Variants in DPP6 observed in about 807,000 individuals in gnomAD.
DPP6 encodes dipeptidyl peptidase like 6.
Under a neutral mutation model 122.6 loss-of-function variants are expected in DPP6, and 69 were observed. The observed-to-expected ratio is 0.56, with a 90% CI of 0.46 to 0.69. The LOEUF is 0.69. DPP6 is among the 30% of genes least tolerant of loss of function. DPP6 has a pLI of 0.00. For missense variants in DPP6, 928 were observed against 1,116.9 expected, an observed-to-expected ratio of 0.83 and a Z score of 2.41; for synonymous variants, 418 against 433.1, an observed-to-expected ratio of 0.97 and a Z score of 0.43.
chr7:154,491,806 C>T (rs1450273668), intron 3 of DPP6, among the ~76,000 whole-genome samples: 1 of 152,176 alleles, frequency 6.6e-6, no homozygotes, highest in East Asian at 1.9e-4. Context: ...GGCTCCCAGG[C>T]AGATTTAGGC....
At chr7:154,501,534 T>G (rs1825247786) in intron 3 of DPP6, among the ~76,000 whole-genome samples, 2 of 152,200 alleles carry the variant, frequency 1.3e-5, no homozygotes, top group South Asian at 4.1e-4. Context: ...AGTTAGAGTT[T>G]GGGCTGTAGC....
At chr7:153,830,099 A>T in the DPP6 span, among the ~76,000 whole-genome samples, 1 of 152,250 alleles carries the variant, frequency 6.6e-6, no homozygotes, top group Non-Finnish European at 1.5e-5. Flanking sequence ...TTTGGGCTCA[A>T]CAATAATGTA....
At chr7:154,661,018 G>C (rs1466987280) in intron 6 of DPP6, among the ~76,000 whole-genome samples, 10 of 81,300 alleles carry the variant, frequency 1.2e-4, no homozygotes, top group Non-Finnish European at 1.6e-4. Context: ...GCATATTGGC[G>C]CTAGTATTCA....
At chr7:153,923,324 G>A (rs1328412625) in intron 1 of DPP6, among the ~76,000 whole-genome samples, 1 of 152,178 alleles carries the variant, frequency 6.6e-6, no homozygotes, top group Non-Finnish European at 1.5e-5. Context: ...GTTTATTATG[G>A]TATGTGTATG....
intron 1 of DPP6, among the ~76,000 whole-genome samples, chr7:153,995,426 A>T (rs1335159151): frequency 1.3e-5 from 2 of 152,042 alleles, no homozygotes; most frequent in Admixed American, 6.5e-5. Flanking sequence ...CTCTACTAAA[A>T]ATACAAAAAA....
chr7:154,669,598 G>A (rs1838424650), intron 7 of DPP6, among the ~76,000 whole-genome samples, 157 bp downstream of exon 7: 2 of 152,190 alleles, frequency 1.3e-5, no homozygotes, highest in South Asian at 2.1e-4. Context: ...ACACCAGGGT[G>A]TCTGAATATG....
Position 154,320,293 on chromosome 7 carries a change from C to T in DPP6, c.244-125921C>T, listed in dbSNP as rs150230156. Among the ~76,000 whole-genome samples, 423 of 152,166 alleles carry T rather than the reference C, an allele frequency of 2.8e-3. 4 individuals carry two copies. Among genetic ancestry groups the T allele is most frequent in the Non-Finnish European group, 2.9e-3 (198 of 68,018 alleles). On this transcript the variant is annotated intron_variant, in intron 1 of 25. Transcript: ENST00000377770. ...CCGGCCCTGTGTCCAGTGCGGTCTC[C>T]ATAAAGGACTCTGGTGTCCAGAAGT...
chr7:154,709,183 A>G (rs1841010244), intron 7 of DPP6, among the ~76,000 whole-genome samples: 1 of 152,236 alleles, frequency 6.6e-6, no homozygotes, highest in South Asian at 2.1e-4. Context: ...GAAGGAAATG[A>G]AATACAACAA....
At chr7:154,102,168 A>AT (rs1805779196) in intron 1 of DPP6, among the ~76,000 whole-genome samples, 1 of 151,804 alleles carries the variant, frequency 6.6e-6, no homozygotes, top group Non-Finnish European at 1.5e-5. Context: ...CTGTCTCCAT[A>AT]AAGCCCCTCC....
At chr7:154,567,636 A>T (rs1409931100) in intron 5 of DPP6, among the ~76,000 whole-genome samples, 2 of 152,238 alleles carry the variant, frequency 1.3e-5, no homozygotes, top group Non-Finnish European at 1.5e-5. Flanking sequence ...GTATGTTTTA[A>T]GAACTTTCCT....
intron 1 of DPP6, among the ~76,000 whole-genome samples, chr7:153,983,719 C>T (rs992990086): frequency 7.9e-5 from 12 of 151,866 alleles, no homozygotes; most frequent in Non-Finnish European, 1.3e-4. Context: ...TTGTGAAGAC[C>T]GTGGGAAAAG....
At chr7:154,392,145 C>T (rs1313696601) in intron 1 of DPP6, among the ~76,000 whole-genome samples, 1 of 152,114 alleles carries the variant, frequency 6.6e-6, no homozygotes, top group Admixed American at 6.5e-5. Context: ...GTGTGGCACA[C>T]ACCTGTAATT....
chr7:154,142,518 T>C (rs929589597), intron 1 of DPP6, among the ~76,000 whole-genome samples: 4 of 152,144 alleles, frequency 2.6e-5, no homozygotes, highest in African/African-American at 9.7e-5. Flanking sequence ...CTACAAAATA[T>C]CAAACCATTT....
chr7:154,463,845 C>G (rs1245824743), intron 2 of DPP6, among the ~76,000 whole-genome samples: 2 of 152,154 alleles, frequency 1.3e-5, no homozygotes, highest in African/African-American at 2.4e-5. Flanking sequence ...ACAATTTCCT[C>G]TTTTCTCTTC....
Position 154,342,794 on chromosome 7 carries a change from C to T in DPP6, c.244-103420C>T, listed in dbSNP as rs76438881. Among the ~76,000 whole-genome samples, 1,038 of 152,322 alleles carry T rather than the reference C, an allele frequency of 6.8e-3. 9 individuals are homozygous for T. Among genetic ancestry groups the T allele is most frequent in the African/African-American group, 0.023 (960 of 41,564 alleles). ...AGATTCCAAATGACAGCAGAATTTCCGTCCACTTCCTAAAAGTTAAAGGTA... is the reference window on the plus strand; with the variant it reads ...AGATTCCAAATGACAGCAGAATTTCTGTCCACTTCCTAAAAGTTAAAGGTA... On this transcript the variant is annotated intron_variant, in intron 1 of 25. Coordinates refer to ENST00000377770, the MANE Select transcript of DPP6 (RefSeq NM_130797.4).
At chr7:154,383,890 C>A (rs201832913) in intron 1 of DPP6, among the ~76,000 whole-genome samples, 2,934 of 106,142 alleles carry the variant, frequency 0.028, no homozygotes, top group Middle Eastern at 0.044. Flanking sequence ...ACTCTGTCTC[C>A]AAAAAAAAAA....
chr7:154,729,315 C>G (rs1842222344), intron 8 of DPP6, among the ~76,000 whole-genome samples: 1 of 152,162 alleles, frequency 6.6e-6, no homozygotes, highest in Admixed American at 6.5e-5. Flanking sequence ...GCCAGTATCA[C>G]TTTCTCCTAG....
At chr7:154,324,210 T>A (rs1808220870) in intron 1 of DPP6, among the ~76,000 whole-genome samples, 1 of 152,246 alleles carries the variant, frequency 6.6e-6, no homozygotes, top group African/African-American at 2.4e-5. Flanking sequence ...TGTTCACGGT[T>A]GCCTTTTACA....
chr7:153,850,890 C>T, the DPP6 span, among the ~76,000 whole-genome samples: 10 of 152,198 alleles, frequency 6.6e-5, no homozygotes, highest in Non-Finnish European at 1.0e-4. Flanking sequence ...GAGACACAGC[C>T]AAAGCATATC....
Sources: gnomAD v4.1 joint callset for allele counts (sites outside exome capture counted in the v4.1 genomes callset) on GRCh38, gnomAD v4.1.1 for gene constraint, MANE v1.5 for transcripts, NCBI Gene and HGNC (gene_info 2026-07-23, HGNC 2026-07-21) for gene names.